RETREG1: variants seen among roughly 807,000 people sequenced by gnomAD.
The protein encoded by RETREG1 is family with sequence similarity 134 member B.
A neutral mutation model predicts 54.8 loss-of-function variants in RETREG1; 44 were observed. The ratio of observed to expected loss-of-function variants is 0.80; its 90% confidence interval spans 0.63 to 1.03. The LOEUF (loss-of-function observed/expected upper bound fraction) is 1.03. Among genes scored for constraint, RETREG1 ranks in the 50% least tolerant of loss-of-function variants. The probability of loss-of-function intolerance (pLI) is 0.00; values close to 1 mark genes in which losing one functional copy is unlikely to be tolerated. For missense variants in RETREG1, 554 were observed against 605.1 expected, an observed-to-expected ratio of 0.92 and a Z score of 0.89; for synonymous variants, 217 against 238.5, an observed-to-expected ratio of 0.91 and a Z score of 0.83.
intron 3 of RETREG1, among the ~76,000 whole-genome samples, chr5:16,489,883 A>T (rs1373515810): frequency 6.6e-6 from 1 of 152,232 alleles, no homozygotes; most frequent in Non-Finnish European, 1.5e-5. Context: ...TAAATGTAAG[A>T]TCTTTTCACT....
At chr5:16,579,681 G>C (rs1742430705) in intron 1 of RETREG1, among the ~76,000 whole-genome samples, 3 of 152,178 alleles carry the variant, frequency 2.0e-5, no homozygotes, top group Non-Finnish European at 2.9e-5. Context: ...GCCTTTTCCA[G>C]AATGTTCTGT....
intron 3 of RETREG1, among the ~76,000 whole-genome samples, chr5:16,555,706 A>G (rs1228873731): frequency 6.6e-6 from 1 of 152,146 alleles, no homozygotes; most frequent in Admixed American, 6.5e-5. Context: ...TTACCTTTAC[A>G]ATTGGGGAAA....
intron 5 of RETREG1, among the ~76,000 whole-genome samples, chr5:16,480,505 G>T (rs1349897894): frequency 6.6e-6 from 1 of 152,036 alleles, no homozygotes; most frequent in Non-Finnish European, 1.5e-5. Context: ...TCATGTAGTA[G>T]TTTTTAAGAA....
chr5:16,526,280 T>A (rs577906694), intron 3 of RETREG1, among the ~76,000 whole-genome samples: 1 of 152,138 alleles, frequency 6.6e-6, no homozygotes, highest in Non-Finnish European at 1.5e-5. Flanking sequence ...GATAAGAAAA[T>A]CTCGAGTCTC....
intron 3 of RETREG1, among the ~76,000 whole-genome samples, chr5:16,502,985 C>A (rs1739779180): frequency 2.6e-5 from 4 of 152,254 alleles, no homozygotes; most frequent in African/African-American, 9.6e-5. Context: ...GACAGACCCT[C>A]CCCATGGCCA....
intron 3 of RETREG1, among the ~76,000 whole-genome samples, chr5:16,497,248 A>G (rs1057284381): frequency 1.3e-5 from 2 of 152,190 alleles, no homozygotes; most frequent in Non-Finnish European, 2.9e-5. Context: ...GGCGACCAGG[A>G]TCAGAACCCA....
intron 3 of RETREG1, among the ~76,000 whole-genome samples, chr5:16,545,793 C>T (rs1479997428): frequency 2.0e-5 from 3 of 152,158 alleles, no homozygotes; most frequent in East Asian, 1.9e-4. Flanking sequence ...GATGCTAGAC[C>T]GAGGGCATTT....
intron 3 of RETREG1, among the ~76,000 whole-genome samples, chr5:16,562,182 G>C (rs1198685554): frequency 6.6e-6 from 1 of 152,190 alleles, no homozygotes; most frequent in Non-Finnish European, 1.5e-5. Context: ...AGGCGTGGTG[G>C]CACATGCTTA....
At chr5:16,572,143 T>G (rs1266633860) in intron 1 of RETREG1, 41 bp from the exon 2 acceptor site, 2 of 1,457,922 alleles carry the variant, frequency 1.4e-6, no homozygotes, top group Non-Finnish European at 1.9e-6. Flanking sequence ...AATTTGAGGA[T>G]TTTTAACCTT....
At chr5:16,475,342 C>T in intron 8 of RETREG1, 108 bp from the exon 9 acceptor site, 6 of 1,269,360 alleles carry the variant, frequency 4.7e-6, no homozygotes, top group African/African-American at 1.5e-5. Flanking sequence ...GCAACCTTGG[C>T]ATTCATCTAG....
chr5:16,523,018 G>A (rs1740586415), intron 3 of RETREG1, among the ~76,000 whole-genome samples: 1 of 151,168 alleles, frequency 6.6e-6, no homozygotes, highest in Non-Finnish European at 1.5e-5. Context: ...GAAGAAGAAA[G>A]AAAAGAAAGA....
chr5:16,481,123 T>G (rs1738754333), intron 4 of RETREG1, 30 bp from the exon 5 acceptor site: 2 of 1,497,330 alleles, frequency 1.3e-6, no homozygotes, highest in Non-Finnish European at 1.9e-6. Flanking sequence ...CATGGGATAG[T>G]TAAGCATAAC....
intron 5 of RETREG1, among the ~76,000 whole-genome samples, chr5:16,480,188 G>T (rs1192667230): frequency 1.3e-5 from 2 of 151,782 alleles, no homozygotes; most frequent in Non-Finnish European, 2.9e-5. Flanking sequence ...CCACTGACCT[G>T]CTTTGTCACT....
chr5:16,479,222 T>C (rs1033759098), intron 5 of RETREG1, among the ~76,000 whole-genome samples: 51 of 152,146 alleles, frequency 3.4e-4, no homozygotes, highest in African/African-American at 1.2e-3. Flanking sequence ...ATAATTTCTA[T>C]TCTTTTTCTG....
At chr5:16,534,334 C>T (rs1251299441) in intron 3 of RETREG1, among the ~76,000 whole-genome samples, 1 of 152,114 alleles carries the variant, frequency 6.6e-6, no homozygotes, top group African/African-American at 2.4e-5. Flanking sequence ...GTAGCTAAGG[C>T]TTTGACTGTT....
chr5:16,474,475 A>G lies in RETREG1; in HGVS notation c.*266T>C. The G allele has an allele frequency of 2.7e-6, 1 of 373,434 alleles. No homozygotes were observed. Among genetic ancestry groups the G allele is most frequent in the South Asian group, 4.9e-5 (1 of 20,232 alleles). 23.1% of individuals were successfully genotyped at this position (373,434 alleles called of 1,614,324 possible). ...TTTTTTTCTTTTTGCTTTAAAAACA[A>G]CCCCTAATATTTATCTCTGACAACA... On this transcript the variant is annotated 3_prime_UTR_variant, in exon 9 of 9. Coordinates refer to ENST00000306320, the MANE Select transcript of RETREG1 (RefSeq NM_001034850.3).
intron 1 of RETREG1, among the ~76,000 whole-genome samples, chr5:16,603,659 C>T (rs1743106517): frequency 6.6e-6 from 1 of 152,048 alleles, no homozygotes; most frequent in Admixed American, 6.6e-5. Flanking sequence ...TCCCAGCCCC[C>T]CAGCCCAACC....
intron 1 of RETREG1, among the ~76,000 whole-genome samples, chr5:16,581,203 G>A (rs1579705033): frequency 6.6e-6 from 1 of 152,284 alleles, no homozygotes; most frequent in Admixed American, 6.5e-5. Context: ...CCCTTTCTCG[G>A]GAATGGGGAG....
In RETREG1 at chr5:16,599,985, G is replaced by A. The variant is rs543804851; in HGVS notation, c.320+16667C>T. Among the ~76,000 whole-genome samples the A allele has an allele frequency of 1.5e-4, 23 of 152,298 alleles. No homozygotes were observed. The East Asian group carries it at 2.3e-3, about 15-fold the overall frequency. On this transcript the variant is annotated intron_variant, in intron 1 of 8. Transcript: ENST00000306320. Reference sequence around the variant, plus strand: ...CCTGAGCTGCAGGTCCCAGGAAAGCGTGGGGGTGGAAGGAACTGGGAGAAG... The same window carrying A: ...CCTGAGCTGCAGGTCCCAGGAAAGCATGGGGGTGGAAGGAACTGGGAGAAG...
Sources: gnomAD v4.1 joint callset for allele counts (sites outside exome capture counted in the v4.1 genomes callset) on GRCh38, gnomAD v4.1.1 for gene constraint, MANE v1.5 for transcripts, NCBI Gene and HGNC (gene_info 2026-07-23, HGNC 2026-07-21) for gene names.